NUP85: variants seen among roughly 807,000 people sequenced by gnomAD.
The protein encoded by NUP85 is nucleoporin 85, also known as nuclear pore complex protein Nup85.
NUP85 carries 23 observed loss-of-function variants against 92.8 expected under a neutral mutation model. That is an observed-to-expected ratio of 0.25 (90% CI 0.18 to 0.35). The LOEUF (loss-of-function observed/expected upper bound fraction) is 0.35. Ranked by LOEUF, NUP85 falls within the 10% of genes least tolerant of loss-of-function variation. NUP85 has a pLI of 1.00. For missense variants in NUP85, 759 were observed against 822.8 expected, an observed-to-expected ratio of 0.92 and a Z score of 0.95; for synonymous variants, 314 against 306.9, an observed-to-expected ratio of 1.02 and a Z score of -0.24.
rs2076277680 is a variant in NUP85, at chr17:75,235,047, C to T, written c.1768-53C>T. 4 of 1,445,622 alleles carry T rather than the reference C, an allele frequency of 2.8e-6. No homozygotes were observed. In the Admixed American group the frequency reaches 6.8e-5, roughly 25 times the overall value. The allele number at this position is 1,445,622 out of a possible 1,614,324, so 89.5% of individuals were successfully genotyped here. A position where few individuals can be genotyped will look rare whatever the true frequency, so the allele number is the denominator to read the frequency against. ...GTCCGAACATGGGCCCCTGCCCCAA[C>T]CAATGCAGGCCAGGGCTGGGGGCAG... On this transcript the variant is annotated intron_variant, in intron 17 of 18. Transcript: ENST00000245544.
At chr17:75,212,134 C>A in intron 4 of NUP85, 72 bp downstream of exon 4, 2 of 1,023,550 alleles carry the variant, frequency 2.0e-6, no homozygotes, top group Non-Finnish European at 2.9e-6. Flanking sequence ...TTTATCTATG[C>A]ATAAATACTG....
intron 11 of NUP85, among the ~76,000 whole-genome samples, chr17:75,229,726 A>G (rs945238825): frequency 1.3e-5 from 2 of 152,132 alleles, no homozygotes; most frequent in East Asian, 1.9e-4. Flanking sequence ...CTCTGCTCTC[A>G]GTGCTTGCTG....
rs147355984 is a variant in NUP85, at chr17:75,206,340, C to T, written c.33+546C>T. On this transcript the variant is annotated intron_variant, in intron 1 of 18. Transcript: ENST00000245544. ...TTTATGTACGAGATACCTACCGTTT[C>T]TGCTAGTTGGATTGCTCTTGTTTTC... Among the ~76,000 whole-genome samples, 167 of 152,188 alleles carry T rather than the reference C, an allele frequency of 1.1e-3. 1 individual carries two copies. The East Asian group carries it at 0.02, about 19-fold the overall frequency.
intron 2 of NUP85, among the ~76,000 whole-genome samples, chr17:75,209,285 C>T (rs180808015): frequency 3.9e-5 from 6 of 152,254 alleles, no homozygotes; most frequent in African/African-American, 7.2e-5. Context: ...ATCCAAGGCA[C>T]AGATGGAGCT....
intron 10 of NUP85, 21 bp downstream of exon 10, chr17:75,225,850 C>T (rs772440535): frequency 7.8e-7 from 1 of 1,284,932 alleles, no homozygotes; most frequent in South Asian, 1.2e-5. Context: ...TCGGGGTGGG[C>T]AAGGGTGGGG....
chr17:75,235,089 C>T lies in NUP85; in HGVS notation c.1768-11C>T, dbSNP rs377588664. 1.2e-5 allele frequency: 19 copies of T among 1,610,738 alleles called. No individual in the cohort carries two copies. The East Asian group carries it at 3.8e-4, about 32-fold the overall frequency. ...TGGGGGCAGCCAAGCAAGGCAGGCT[C>T]TCTTCCCTAGGTGATTTTCTCAGCA... On this transcript the variant is annotated splice_polypyrimidine_tract_variant and intron_variant, in intron 17 of 18. Coordinates refer to ENST00000245544, the MANE Select transcript of NUP85 (RefSeq NM_024844.5).
In NUP85 at chr17:75,208,515, T is replaced by A; in HGVS notation, c.34-12T>A. ...ATTTTTCATTTTAGATTTCTATGCC[T>A]TATTTTACTAGTTGATTCCAGGCGT... On this transcript the variant is annotated splice_polypyrimidine_tract_variant and intron_variant, in intron 1 of 18. Coordinates refer to ENST00000245544, the MANE Select transcript of NUP85 (RefSeq NM_024844.5). The A allele has an allele frequency of 7.0e-7, 1 of 1,423,956 alleles. No homozygotes were observed. The highest frequency in any genetic ancestry group is 1.2e-5 in the South Asian group (1 of 85,510). The allele number at this position is 1,423,956 out of a possible 1,614,324, so 88.2% of individuals were successfully genotyped here.
At chr17:75,232,116 G>A (rs570020017) in intron 14 of NUP85, 137 bp downstream of exon 14, 1 of 840,300 alleles carries the variant, frequency 1.2e-6, no homozygotes, top group East Asian at 2.7e-5. Context: ...GACGCCAAGA[G>A]GTAAACTAAG....
intron 16 of NUP85, among the ~76,000 whole-genome samples, chr17:75,233,437 CTTTT>C (rs60396796): frequency 8.5e-6 from 1 of 117,186 alleles, no homozygotes; most frequent in African/African-American, 3.5e-5. Context: ...TTTATTTTTT[CTTTT>C]TTTTTTTTTT....
chr17:75,230,122 C>G (rs944669395), intron 11 of NUP85, among the ~76,000 whole-genome samples: 32 of 150,306 alleles, frequency 2.1e-4, no homozygotes, highest in African/African-American at 7.6e-4. Flanking sequence ...CAGCTCACTG[C>G]AGCCTCTGCC....
chr17:75,218,309 A>G lies in NUP85; in HGVS notation c.597+3A>G. Reference sequence around the variant, plus strand: ...AACATGACAGCTTCTGGAACTTGGTAAGACAGGCCGGGCCCCCACCTCCCA... The same window carrying G: ...AACATGACAGCTTCTGGAACTTGGTGAGACAGGCCGGGCCCCCACCTCCCA... On this transcript the variant is annotated splice_donor_region_variant and intron_variant, in intron 7 of 18. Coordinates refer to ENST00000245544, the MANE Select transcript of NUP85 (RefSeq NM_024844.5). The G allele has an allele frequency of 6.2e-7, 1 of 1,612,868 alleles. No individual in the cohort carries two copies. The highest frequency in any genetic ancestry group is 8.5e-7 in the Non-Finnish European group (1 of 1,179,310).
Position 75,234,722 on chromosome 17 carries a change from G to T in NUP85, c.1701G>T (p.Arg567=). 1 of 1,614,234 alleles carries T rather than the reference G, an allele frequency of 6.2e-7. No individual in the cohort carries two copies. The highest frequency in any genetic ancestry group is 8.5e-7 in the Non-Finnish European group (1 of 1,180,040). Residue 567 remains arginine, a synonymous_variant, in exon 17 of 19, where the codon CGG becomes CGT. Coordinates refer to ENST00000245544, the MANE Select transcript of NUP85 (RefSeq NM_024844.5). ...TCCTTCTGTCCTTGATGACGTCTCG[G>T]ATTGCCCCTCGGTCTTTCTGGATGA... The part of the protein sequence containing the change: ...ASLLLSLMTS[R]IAPRSFWMTL...
intron 11 of NUP85, among the ~76,000 whole-genome samples, chr17:75,227,208 AAG>A (rs1399832276): frequency 6.6e-6 from 1 of 151,854 alleles, no homozygotes; most frequent in Non-Finnish European, 1.5e-5. Flanking sequence ...TGGGCATGGG[AAG>A]AGTTTCCTTC....
chr17:75,225,283 A>G (rs1354852672), intron 8 of NUP85, 46 bp downstream of exon 8: 2 of 1,610,180 alleles, frequency 1.2e-6, no homozygotes, highest in East Asian at 4.5e-5. Context: ...GAGATGCGTG[A>G]TTCACTAAAT....
chr17:75,226,242 C>T (rs1598315781), intron 11 of NUP85, 85 bp downstream of exon 11: 1 of 1,033,560 alleles, frequency 9.7e-7, no homozygotes, highest in Non-Finnish European at 1.5e-6. Context: ...CCTGTTCCTT[C>T]CTTACCCTTC....
At chr17:75,211,449 T>C (rs2075258050) in intron 3 of NUP85, among the ~76,000 whole-genome samples, 1 of 142,812 alleles carries the variant, frequency 7.0e-6, no homozygotes, top group Admixed American at 7.1e-5. Flanking sequence ...TTTTTTCAGA[T>C]GGAGTCTCAC....
intron 2 of NUP85, among the ~76,000 whole-genome samples, chr17:75,209,074 A>G (rs1327738682): frequency 6.6e-6 from 1 of 152,014 alleles, no homozygotes; most frequent in Admixed American, 6.6e-5. Flanking sequence ...TGAATCCCGG[A>G]AAAAAATTAA....
At chr17:75,219,435 C>A (rs1418281575) in intron 7 of NUP85, among the ~76,000 whole-genome samples, 1 of 152,088 alleles carries the variant, frequency 6.6e-6, no homozygotes, top group Non-Finnish European at 1.5e-5. Flanking sequence ...CACCACTACG[C>A]CTGGCTAGTT....
chr17:75,231,475 G>A lies in NUP85; in HGVS notation c.1178+52G>A. ...CCTCTTCTTACCACCAGGCCCCCGA[G>A]GGTGGTGTGAACTGAATGCCTGAAA... is the stretch of plus-strand genomic sequence containing the variant. On this transcript the variant is annotated intron_variant, in intron 12 of 18. Transcript: ENST00000245544. The surrounding 1 kb of genome is among the most constrained non-coding windows in gnomAD (Gnocchi z 4.6). 1 of 1,608,760 alleles carries A rather than the reference G, an allele frequency of 6.2e-7. No homozygotes were observed. Among genetic ancestry groups the A allele is most frequent in the East Asian group, 2.2e-5 (1 of 44,856 alleles).
Sources: gnomAD v4.1 joint callset for allele counts (sites outside exome capture counted in the v4.1 genomes callset) on GRCh38, gnomAD v4.1.1 for gene constraint, Gnocchi (gnomAD v3.1) non-coding constraint, MANE v1.5 for transcripts, NCBI Gene and HGNC (gene_info 2026-07-23, HGNC 2026-07-21) for gene names.